Variants in FAM178B observed in about 807,000 individuals in gnomAD.
FAM178B encodes the protein protein FAM178B.
FAM178B carries 82 observed loss-of-function variants against 91.7 expected under a neutral mutation model. That is an observed-to-expected ratio of 0.89 (90% CI 0.75 to 1.07). FAM178B has a LOEUF of 1.07. Ranked by LOEUF, FAM178B falls within the 50% of genes least tolerant of loss-of-function variation. FAM178B has a pLI of 0.00. For synonymous variants in FAM178B, 368 were observed against 359.4 expected (o/e 1.02, Z -0.27); for missense variants, 769 against 846.7 (o/e 0.91, Z 1.14).
At chr2:96,905,848 A>T (rs181118759) in intron 12 of FAM178B, among the ~76,000 whole-genome samples, 1 of 26,504 alleles carries the variant, frequency 3.8e-5, no homozygotes, top group African/African-American at 1.8e-4. Flanking sequence ...ATATATATAT[A>T]TATATATATA....
chr2:96,978,962 GTGTA>G (rs2082326214), intron 1 of FAM178B, among the ~76,000 whole-genome samples: 1 of 141,752 alleles, frequency 7.1e-6, no homozygotes, highest in Non-Finnish European at 1.5e-5. Context: ...GTATTCTATG[GTGTA>G]TGTATCACTT....
intron 1 of FAM178B, among the ~76,000 whole-genome samples, chr2:96,980,130 G>T (rs2082343251): frequency 6.6e-6 from 1 of 152,042 alleles, no homozygotes; most frequent in South Asian, 2.1e-4. Context: ...CTGGAGTGCA[G>T]TAGTGCGCAA....
intron 12 of FAM178B, among the ~76,000 whole-genome samples, chr2:96,909,549 C>T (rs994380497): frequency 6.6e-6 from 1 of 152,236 alleles, no homozygotes; most frequent in African/African-American, 2.4e-5. Flanking sequence ...GGTCCTCTGA[C>T]GGCCCTGGGG....
intron 13 of FAM178B, among the ~76,000 whole-genome samples, chr2:96,898,989 G>A (rs1284884333): frequency 6.6e-6 from 1 of 152,230 alleles, no homozygotes; most frequent in African/African-American, 2.4e-5. Context: ...TGAGTGGGTG[G>A]CTGTGGGGAC....
At chr2:96,924,464 T>C (rs1453276591) in intron 9 of FAM178B, among the ~76,000 whole-genome samples, 1 of 152,130 alleles carries the variant, frequency 6.6e-6, no homozygotes, top group Non-Finnish European at 1.5e-5. Flanking sequence ...CCAGATGATG[T>C]TAGAGACCAG....
chr2:96,922,614 T>C (rs1231997840), intron 10 of FAM178B, among the ~76,000 whole-genome samples: 1 of 152,204 alleles, frequency 6.6e-6, no homozygotes, highest in Non-Finnish European at 1.5e-5. Context: ...CCTCCCAAAG[T>C]GCTAAGATTA....
chr2:96,941,447 G>A (rs1382351860), intron 8 of FAM178B, among the ~76,000 whole-genome samples: 5 of 152,160 alleles, frequency 3.3e-5, no homozygotes, highest in African/African-American at 9.7e-5. Flanking sequence ...AACAGGCAAC[G>A]GCAGAAAAGA....
At position 96,970,823 on chromosome 2, in the gene FAM178B, G is replaced by C. The variant is rs745943312; in HGVS notation, c.565-46C>G. On this transcript the variant is annotated intron_variant, in intron 3 of 16. Coordinates refer to ENST00000490605, the MANE Select transcript of FAM178B (RefSeq NM_001122646.3). ...AATGAGGACGACAGAGAAGTACAAAGATAGAGGAGAAAAAAGAAAAAAAAC... is the reference window on the plus strand; with the variant it reads ...AATGAGGACGACAGAGAAGTACAAACATAGAGGAGAAAAAAGAAAAAAAAC... 3.5e-5 allele frequency: 47 copies of C among 1,344,396 alleles called. No homozygotes were observed. In the African/African-American group the frequency reaches 6.1e-4, roughly 18 times the overall value. The allele number at this position is 1,344,396 out of a possible 1,614,324, so 83.3% of individuals were successfully genotyped here. A position where few individuals can be genotyped will look rare whatever the true frequency, so the allele number is the denominator to read the frequency against.
At chr2:96,909,017 C>A (rs545847429) in intron 12 of FAM178B, among the ~76,000 whole-genome samples, 1 of 151,970 alleles carries the variant, frequency 6.6e-6, no homozygotes, top group East Asian at 1.9e-4. Flanking sequence ...GTGACAGGTA[C>A]CTGTAATGCC....
chr2:96,941,039 AGATG>A, intron 8 of FAM178B, among the ~76,000 whole-genome samples: 1 of 152,356 alleles, frequency 6.6e-6, no homozygotes, highest in Middle Eastern at 3.4e-3. Flanking sequence ...AGGTAATTTC[AGATG>A]GATACTAATG....
intron 2 of FAM178B, 104 bp downstream of exon 2, chr2:96,972,434 G>T: frequency 6.7e-7 from 1 of 1,487,654 alleles, no homozygotes. Flanking sequence ...ACTTGGGGTT[G>T]CTGTGGGAAG....
At chr2:96,876,934 G>C (rs1024991035) in intron 16 of FAM178B, among the ~76,000 whole-genome samples, 1 of 152,116 alleles carries the variant, frequency 6.6e-6, no homozygotes, top group African/African-American at 2.4e-5. Flanking sequence ...CAGAGGCTTG[G>C]GAGTCAGGCT....
In FAM178B at chr2:96,877,954, A is replaced by G; in HGVS notation, c.1943T>C (p.Leu648Pro). The G allele has an allele frequency of 1.2e-6, 2 of 1,613,856 alleles. No homozygotes were observed. The highest frequency in any genetic ancestry group is 1.7e-6 in the Non-Finnish European group (2 of 1,180,010). The stretch of plus-strand genomic sequence containing the variant: ...GTAGGTCTGGGTAGCCAGGTCCTTG[A>G]GCATGGTGCGGTGCATGGCCTGGGG... ...ESPQAMHRTM[L>P]KDLATQTYIR... is the part of the protein sequence containing the mutation. Residue 648 changes from leucine (L) to proline (P), a missense_variant, in exon 16 of 17, where the codon CTC becomes CCC. Transcript: ENST00000490605.
chr2:96,967,909 G>GTATTTTTTTTTTTTTTTTT (rs1318481195), intron 4 of FAM178B, among the ~76,000 whole-genome samples: 1 of 40,228 alleles, frequency 2.5e-5, no homozygotes, highest in African/African-American at 5.6e-5. Context: ...ACCCTGTTTG[G>GTATTTTTTTTTTTTTTTTT]TCTTTTTTTT....
Position 96,986,567 on chromosome 2 carries a change from C to A in FAM178B, c.-254G>T, listed in dbSNP as rs1054944641. 3 of 494,638 alleles carry A rather than the reference C, an allele frequency of 6.1e-6. No homozygotes were observed. The highest frequency in any genetic ancestry group is 1.1e-5 in the Non-Finnish European group (3 of 275,718). 30.6% of individuals were successfully genotyped at this position (494,638 alleles called of 1,614,324 possible). On this transcript the variant is annotated 5_prime_UTR_variant, in exon 1 of 17. Transcript: ENST00000490605. The stretch of plus-strand genomic sequence containing the variant: ...CGCCGCCGCCGCCAGCTGGGGAGCT[C>A]GCCGGCCAAGTGCGCACCCTCTTCC...
At chr2:96,981,050 C>A (rs1378724208) in intron 1 of FAM178B, among the ~76,000 whole-genome samples, 8 of 152,170 alleles carry the variant, frequency 5.3e-5, no homozygotes, top group Non-Finnish European at 2.9e-5. Flanking sequence ...CAGCTCACTG[C>A]AACCTCCCGG....
chr2:96,978,840 T>C (rs960692289), intron 1 of FAM178B, among the ~76,000 whole-genome samples: 1 of 152,034 alleles, frequency 6.6e-6, no homozygotes, highest in Non-Finnish European at 1.5e-5. Flanking sequence ...TTAGCCAGGA[T>C]GGTCTCCATC....
intron 5 of FAM178B, among the ~76,000 whole-genome samples, chr2:96,967,115 C>A (rs1043611705): frequency 6.6e-6 from 1 of 152,134 alleles, no homozygotes; most frequent in East Asian, 1.9e-4. Flanking sequence ...TAAATCAGGG[C>A]CCCCACTCAG....
intron 1 of FAM178B, among the ~76,000 whole-genome samples, chr2:96,975,177 A>G (rs990771250): frequency 2.6e-5 from 4 of 151,878 alleles, no homozygotes; most frequent in African/African-American, 9.7e-5. Flanking sequence ...AACTTCTGTC[A>G]GATGGGGGAA....
Sources: gnomAD v4.1 joint callset for allele counts (sites outside exome capture counted in the v4.1 genomes callset) on GRCh38, gnomAD v4.1.1 for gene constraint, MANE v1.5 for transcripts, NCBI Gene and HGNC (gene_info 2026-07-23, HGNC 2026-07-21) for gene names.